Variants in LYST observed in about 807,000 individuals in gnomAD.
LYST encodes lysosomal-trafficking regulator.
A neutral mutation model predicts 413.6 loss-of-function variants in LYST; 192 were observed. That is an observed-to-expected ratio of 0.46 (90% confidence interval 0.41 to 0.52). LYST has a LOEUF of 0.52. LYST is among the 20% of genes least tolerant of loss of function. The pLI is 0.00. For missense variants in LYST, 3,815 were observed against 4,499.9 expected, an observed-to-expected ratio of 0.85 and a Z score of 4.35; for synonymous variants, 1,525 against 1,567.3, an observed-to-expected ratio of 0.97 and a Z score of 0.64.
intron 10 of LYST, among the ~76,000 whole-genome samples, chr1:235,794,980 A>C (rs996017441): frequency 1.1e-4 from 17 of 152,304 alleles, no homozygotes; most frequent in Non-Finnish European, 2.2e-4. Context: ...TAACAGCAAA[A>C]ATATGTGGGG....
intron 38 of LYST, among the ~76,000 whole-genome samples, chr1:235,727,343 C>T: frequency 6.6e-6 from 1 of 151,948 alleles, no homozygotes. Flanking sequence ...AGGCTGGTCT[C>T]AAACTCCTGA....
intron 1 of LYST, among the ~76,000 whole-genome samples, chr1:235,850,695 C>T (rs1258931842): frequency 6.6e-6 from 1 of 151,784 alleles, no homozygotes; most frequent in Non-Finnish European, 1.5e-5. Context: ...AAAAACAATC[C>T]CATCAAAAAG....
intron 20 of LYST, among the ~76,000 whole-genome samples, chr1:235,768,343 A>G (rs1363167563): frequency 6.6e-6 from 1 of 152,002 alleles, no homozygotes; most frequent in Admixed American, 6.6e-5. Flanking sequence ...GCTCCCTACT[A>G]AACACTCCCA....
At chr1:235,681,051 T>C (rs953981866) in intron 48 of LYST, among the ~76,000 whole-genome samples, 4 of 152,174 alleles carry the variant, frequency 2.6e-5, no homozygotes, top group African/African-American at 9.7e-5. Context: ...GGCAGCTCCA[T>C]GGCAGTAAGG....
rs139907712 is a variant in LYST, at chr1:235,778,098, A to AATATATATATATATATATATAT, written c.5215-812_5215-791dup. ...CCACCACACCCAGTTAACCCAGTTA[A>AATATATATATATATATATATAT]ATATATATATATATATATATATATT... On this transcript the variant is annotated intron_variant, in intron 16 of 52. Coordinates refer to ENST00000389793, the MANE Select transcript of LYST (RefSeq NM_000081.4). Among the ~76,000 whole-genome samples, 55 of 128,006 alleles carry AATATATATATATATATATATAT rather than the reference A, an allele frequency of 4.3e-4. 1 individual carries two copies. Among genetic ancestry groups the AATATATATATATATATATATAT allele is most frequent in the African/African-American group, 1.9e-3 (52 of 26,696 alleles). The allele number at this position is 128,006 out of a possible 152,430, so 84.0% of individuals were successfully genotyped here. A position where few individuals can be genotyped will look rare whatever the true frequency, so the allele number is the denominator to read the frequency against.
At chr1:235,668,831 G>T (rs1337050736) in intron 50 of LYST, among the ~76,000 whole-genome samples, 3 of 152,150 alleles carry the variant, frequency 2.0e-5, no homozygotes, top group Non-Finnish European at 2.9e-5. Flanking sequence ...TCAATCATTT[G>T]CGCAAACTTG....
At chr1:235,862,128 T>A (rs990797360) in intron 1 of LYST, among the ~76,000 whole-genome samples, 4 of 152,166 alleles carry the variant, frequency 2.6e-5, no homozygotes, top group African/African-American at 9.7e-5. Flanking sequence ...AGAGACAGAG[T>A]TAGTAGTCAA....
intron 1 of LYST, among the ~76,000 whole-genome samples, chr1:235,837,225 G>A (rs192500441): frequency 2.0e-5 from 3 of 152,346 alleles, no homozygotes; most frequent in Non-Finnish European, 2.9e-5. Flanking sequence ...ACAGGAGACT[G>A]AGAAGGAACA....
In LYST at chr1:235,775,079, T is replaced by G; in HGVS notation, c.5468A>C (p.Glu1823Ala). 6.2e-7 allele frequency: 1 copy of G among 1,610,434 alleles called. No individual in the cohort carries two copies. The highest frequency in any genetic ancestry group is 1.1e-5 in the South Asian group (1 of 91,032). Reference protein sequence around the residue: ...IFVFLFARVVELSSCEETQAL... With the variant: ...IFVFLFARVVALSSCEETQAL... ...TTGAGTTTCTTCACAGCTACTGAGT[T>G]CAACAACCTAAAAAAAAAAATGGGT... The change falls in exon 18 of 53, where the codon GAA (glutamate) becomes GCA (alanine). Residue 1823 changes from glutamate to alanine, a missense_variant. Coordinates refer to ENST00000389793, the MANE Select transcript of LYST (RefSeq NM_000081.4).
chr1:235,792,689 G>C (rs1422764748), intron 11 of LYST, among the ~76,000 whole-genome samples: 19 of 140,942 alleles, frequency 1.3e-4, no homozygotes, highest in African/African-American at 4.8e-4. Context: ...TTGAGATGCA[G>C]TTTAGCTCTT....
intron 47 of LYST, among the ~76,000 whole-genome samples, chr1:235,690,537 C>T (rs542487679): frequency 2.6e-5 from 4 of 152,214 alleles, no homozygotes; most frequent in African/African-American, 9.6e-5. Context: ...ATTAAAGTTC[C>T]TAGTAAAGTT....
intron 3 of LYST, among the ~76,000 whole-genome samples, chr1:235,813,756 G>C (rs1234720597): frequency 6.6e-6 from 1 of 152,176 alleles, no homozygotes; most frequent in Admixed American, 6.6e-5. Context: ...TCAGAAAAAG[G>C]AGCAGTCATT....
At chr1:235,828,728 T>C (rs1250825582) in intron 3 of LYST, 3 of 905,070 alleles carry the variant, frequency 3.3e-6, no homozygotes, top group African/African-American at 1.8e-5. Context: ...AATTTTTTTA[T>C]TGTGGGGAAG....
At chr1:235,779,889 C>G (rs977712531) in intron 16 of LYST, among the ~76,000 whole-genome samples, 5 of 151,940 alleles carry the variant, frequency 3.3e-5, no homozygotes, top group African/African-American at 1.2e-4. Context: ...AAAGAGGAAC[C>G]CAGTTTCATG....
chr1:235,777,999 C>CGTAGCCTT (rs912460902), intron 16 of LYST, among the ~76,000 whole-genome samples: 3 of 148,264 alleles, frequency 2.0e-5, no homozygotes, highest in Admixed American at 1.3e-4. Context: ...CATAGCTCAC[C>CGTAGCCTT]GTAGCCTTGA....
At chr1:235,874,827 G>T (rs1269603952) in intron 1 of LYST, among the ~76,000 whole-genome samples, 3 of 152,156 alleles carry the variant, frequency 2.0e-5, no homozygotes, top group Non-Finnish European at 4.4e-5. Flanking sequence ...TGTTGATATG[G>T]TTGTTATTTG....
chr1:235,663,002 C>T lies in LYST; in HGVS notation c.11344G>A (p.Asp3782Asn). ...DGTVIAWCRK[D>N]QQRLKQPMFY... is the part of the protein sequence containing the mutation. ...ATTGGCTGTTTCAAGCGCTGCTGGTCCTTCCGACACCAGGCAATCACGGTC... is the reference window on the plus strand; with the variant it reads ...ATTGGCTGTTTCAAGCGCTGCTGGTTCTTCCGACACCAGGCAATCACGGTC... The change falls in exon 53 of 53, where the codon GAC (aspartate) becomes AAC (asparagine). Residue 3782 changes from aspartate (D) to asparagine (N), a missense_variant. Physicochemically the swap from Asp to Asn is conservative, Grantham distance 23 (BLOSUM62 1). This residue lies in a region of LYST where 866 missense variants were observed against 1,156.0 expected (regional missense o/e 0.75). Coordinates refer to ENST00000389793, the MANE Select transcript of LYST (RefSeq NM_000081.4). 6.2e-7 allele frequency: 1 copy of T among 1,614,016 alleles called. No homozygotes were observed. The highest frequency in any genetic ancestry group is 8.5e-7 in the Non-Finnish European group (1 of 1,179,962).
chr1:235,783,263 A>G (rs1259797619), intron 14 of LYST, among the ~76,000 whole-genome samples: 1 of 152,034 alleles, frequency 6.6e-6, no homozygotes, highest in Non-Finnish European at 1.5e-5. Flanking sequence ...ATATAAACTT[A>G]ACTATTTTAA....
intron 29 of LYST, among the ~76,000 whole-genome samples, chr1:235,746,017 G>T (rs551478546): frequency 6.6e-6 from 1 of 152,178 alleles, no homozygotes; most frequent in South Asian, 2.1e-4. Context: ...AAGATTCATG[G>T]GGGAAACTGG....
Sources: gnomAD v4.1 joint callset for allele counts (sites outside exome capture counted in the v4.1 genomes callset) on GRCh38, gnomAD v4.1.1 for gene constraint, gnomAD v4.1.1 regional missense constraint, MANE v1.5 for transcripts, NCBI Gene and HGNC (gene_info 2026-07-23, HGNC 2026-07-21) for gene names.